Variants in STIM1 observed in about 807,000 individuals in gnomAD.
STIM1 encodes stromal interaction molecule 1.
In STIM1, 25 loss-of-function variants were observed where a neutral mutation model predicts 74.7. That is an observed-to-expected ratio of 0.33 (90% CI 0.24 to 0.47). The LOEUF is 0.47. Among genes scored for constraint, STIM1 ranks in the 20% least tolerant of loss-of-function variants. The probability of loss-of-function intolerance (pLI) is 1.00; values close to 1 mark genes in which losing one functional copy is unlikely to be tolerated. For synonymous variants in STIM1, 328 were observed against 348.8 expected, an observed-to-expected ratio of 0.94 and a Z score of 0.66; for missense variants, 728 against 920.8, an observed-to-expected ratio of 0.79 and a Z score of 2.71.
intron 2 of STIM1, among the ~76,000 whole-genome samples, chr11:3,993,687 A>AGAGTGGGAG (rs2093635670): frequency 6.6e-6 from 1 of 151,916 alleles, no homozygotes; most frequent in African/African-American, 2.4e-5. Flanking sequence ...AAAACCCCAA[A>AGAGTGGGAG]AATATTCTTT....
chr11:3,986,251 G>A (rs1166521094), intron 2 of STIM1, among the ~76,000 whole-genome samples: 1 of 152,166 alleles, frequency 6.6e-6, no homozygotes, highest in African/African-American at 2.4e-5. Context: ...ATCCATCTGA[G>A]GATGATAGGA....
At position 4,040,142 on chromosome 11, in the gene STIM1, C is replaced by T. The variant is rs192308702; in HGVS notation, c.386-15384C>T. ...GTTCTCTGTTATTCCTTATCTACCTCTGTGGTATTGGCCCTAGAAGGTAGT... is the reference window on the plus strand; with the variant it reads ...GTTCTCTGTTATTCCTTATCTACCTTTGTGGTATTGGCCCTAGAAGGTAGT... On this transcript the variant is annotated intron_variant, in intron 3 of 12. Transcript: ENST00000526596. 7.7e-3 allele frequency among the ~76,000 whole-genome samples: 1,169 copies of T among 152,288 alleles called. 12 individuals are homozygous for T. The highest frequency in any genetic ancestry group is 0.012 in the Non-Finnish European group (825 of 68,030).
intron 3 of STIM1, among the ~76,000 whole-genome samples, chr11:4,053,936 C>G (rs2094266575): frequency 1.3e-5 from 2 of 152,150 alleles, no homozygotes; most frequent in African/African-American, 4.8e-5. Context: ...CCAGTGCTGT[C>G]TAACAGAACT....
chr11:3,901,043 T>G (rs1312424554), intron 1 of STIM1, among the ~76,000 whole-genome samples: 1 of 152,108 alleles, frequency 6.6e-6, no homozygotes, highest in African/African-American at 2.4e-5. Context: ...ATACAAAAAT[T>G]AGCCGGGCAT....
intron 1 of STIM1, among the ~76,000 whole-genome samples, chr11:3,918,769 A>G (rs970273548): frequency 6.6e-6 from 1 of 152,170 alleles, no homozygotes; most frequent in African/African-American, 2.4e-5. Context: ...AGAACAGGAA[A>G]GAGGTGGTTC....
At position 3,873,886 on chromosome 11, in the gene STIM1, T is replaced by G. The variant is rs763354324; in HGVS notation, c.139+17477T>G. ...AATTAGGGCACTTGAGCATATCTAA[T>G]TGGCTGAACTGTGTGAAGGGCAGAG... On this transcript the variant is annotated intron_variant, in intron 1 of 12. Coordinates refer to ENST00000526596, the MANE Select transcript of STIM1 (RefSeq NM_001382567.1). Among the ~76,000 whole-genome samples the G allele has an allele frequency of 5.7e-4, 87 of 152,272 alleles. No homozygotes were observed. In the Middle Eastern group the frequency reaches 0.017, roughly 30 times the overall value.
chr11:4,082,407 C>T (rs1203922542), intron 8 of STIM1, 56 bp downstream of exon 8: 7 of 1,509,914 alleles, frequency 4.6e-6, no homozygotes, highest in Non-Finnish European at 5.4e-6. Context: ...CTCCTTTTTA[C>T]CTGCATATCT....
At chr11:3,870,159 TG>T (rs2135261608) in intron 1 of STIM1, among the ~76,000 whole-genome samples, 1 of 152,322 alleles carries the variant, frequency 6.6e-6, no homozygotes, top group South Asian at 2.1e-4. Context: ...ATGAGTTTTC[TG>T]GGGTCCAAAG....
At chr11:4,000,748 T>C (rs1389358145) in intron 2 of STIM1, among the ~76,000 whole-genome samples, 25 of 144,788 alleles carry the variant, frequency 1.7e-4, no homozygotes, top group South Asian at 2.2e-4. Context: ...ATGACTTTGA[T>C]GAGTTGAGAG....
intron 3 of STIM1, among the ~76,000 whole-genome samples, chr11:4,049,284 C>A (rs1362493470): frequency 6.6e-6 from 1 of 151,146 alleles, no homozygotes; most frequent in African/African-American, 2.4e-5. Flanking sequence ...GGACTTTCTA[C>A]AGGCATTATC....
At chr11:4,010,432 A>T (rs187017065) in intron 2 of STIM1, among the ~76,000 whole-genome samples, 98 of 152,146 alleles carry the variant, frequency 6.4e-4, no homozygotes, top group African/African-American at 2.3e-3. Context: ...CAGCCTCCCG[A>T]TGTGCTGGGA....
intron 2 of STIM1, among the ~76,000 whole-genome samples, chr11:3,978,547 G>A: frequency 6.6e-6 from 1 of 151,268 alleles, no homozygotes; most frequent in East Asian, 2.0e-4. Context: ...GATCACCTGA[G>A]GTCAGGAGTT....
At chr11:4,083,892 A>C (rs1300663000) in intron 10 of STIM1, among the ~76,000 whole-genome samples, 1 of 152,194 alleles carries the variant, frequency 6.6e-6, no homozygotes, top group Non-Finnish European at 1.5e-5. Context: ...TTATTGCTAA[A>C]GTAGATGAAT....
chr11:3,895,608 C>CTTTCTCTT (rs1425601524), intron 1 of STIM1, among the ~76,000 whole-genome samples: 1 of 53,120 alleles, frequency 1.9e-5, no homozygotes, highest in Admixed American at 1.9e-4. Context: ...TTCTTTCTCT[C>CTTTCTCTT]TCTTTCTTTC....
intron 2 of STIM1, among the ~76,000 whole-genome samples, chr11:3,969,468 C>T (rs777270342): frequency 1.3e-5 from 2 of 152,128 alleles, no homozygotes; most frequent in African/African-American, 4.8e-5. Context: ...GGCAACAGAG[C>T]AAGACCCTGT....
At chr11:3,911,265 C>T (rs1234992283) in intron 1 of STIM1, among the ~76,000 whole-genome samples, 1 of 152,192 alleles carries the variant, frequency 6.6e-6, no homozygotes, top group Non-Finnish European at 1.5e-5. Context: ...TCCTATTTCT[C>T]AGAGATTCTA....
chr11:3,908,350 C>T (rs192237020), intron 1 of STIM1, among the ~76,000 whole-genome samples: 20 of 152,296 alleles, frequency 1.3e-4, no homozygotes, highest in African/African-American at 4.6e-4. Flanking sequence ...CGGCGGCTCA[C>T]GCCTGTAATC....
intron 3 of STIM1, among the ~76,000 whole-genome samples, chr11:4,039,185 A>G (rs1304309888): frequency 6.6e-6 from 1 of 152,136 alleles, no homozygotes; most frequent in African/African-American, 2.4e-5. Context: ...CATGCCTGCA[A>G]TTCCAGCCCT....
At chr11:3,879,016 C>T (rs1211399304) in intron 1 of STIM1, among the ~76,000 whole-genome samples, 3 of 151,892 alleles carry the variant, frequency 2.0e-5, no homozygotes, top group Non-Finnish European at 4.4e-5. Flanking sequence ...AGTGCAGTGG[C>T]GTGATCTTGG....
Sources: gnomAD v4.1 joint callset for allele counts (sites outside exome capture counted in the v4.1 genomes callset) on GRCh38, gnomAD v4.1.1 for gene constraint, MANE v1.5 for transcripts, NCBI Gene and HGNC (gene_info 2026-07-23, HGNC 2026-07-21) for gene names.